GSE1: variants seen among roughly 807,000 people sequenced by gnomAD.
The protein encoded by GSE1 is Gse1 coiled-coil protein, also known as genetic suppressor element 1.
A neutral mutation model predicts 112.6 loss-of-function variants in GSE1; 32 were observed. The ratio of observed to expected loss-of-function variants is 0.28; its 90% CI spans 0.21 to 0.38. GSE1 has a LOEUF of 0.38. Among genes scored for constraint, GSE1 ranks in the 10% least tolerant of loss-of-function variants. The pLI, the probability that GSE1 is intolerant of heterozygous loss-of-function variation, is 1.00. For synonymous variants in GSE1, 1,115 were observed against 735.6 expected (o/e 1.52, Z -8.35); for missense variants, 2,348 against 1,699.2 (o/e 1.38, Z -6.71).
At chr16:85,659,311 AG>A (rs1161214535) in intron 8 of GSE1, 2 of 152,188 alleles carry the variant, frequency 1.3e-5, no homozygotes, top group African/African-American at 4.8e-5. Context: ...AGCTTTGCCC[AG>A]GGTCTCTGCA....
intron 2 of GSE1, among the ~76,000 whole-genome samples, chr16:85,483,232 C>T (rs1039539305): frequency 5.3e-5 from 8 of 152,224 alleles, no homozygotes; most frequent in Admixed American, 1.3e-4. Flanking sequence ...CCTGAAAAAG[C>T]GAGGCTCTCT....
intron 2 of GSE1, among the ~76,000 whole-genome samples, chr16:85,527,267 A>C (rs931797020): frequency 6.6e-6 from 1 of 152,276 alleles, no homozygotes; most frequent in East Asian, 1.9e-4. Flanking sequence ...CCACCTGTGC[A>C]CACGCGCGTG....
At chr16:85,313,868 G>T (rs530197649) in intron 1 of GSE1, among the ~76,000 whole-genome samples, 1 of 152,132 alleles carries the variant, frequency 6.6e-6, no homozygotes, top group African/African-American at 2.4e-5. Context: ...CAAGATACAT[G>T]AACAGCAAAT....
At chr16:85,343,887 A>T (rs1018029004) in intron 1 of GSE1, among the ~76,000 whole-genome samples, 2 of 152,168 alleles carry the variant, frequency 1.3e-5, no homozygotes, top group Non-Finnish European at 2.9e-5. Flanking sequence ...AATGGGACCC[A>T]TTGCTTCCCT....
chr16:85,457,172 G>C (rs2049852215), intron 2 of GSE1, among the ~76,000 whole-genome samples: 1 of 152,216 alleles, frequency 6.6e-6, no homozygotes, highest in Admixed American at 6.5e-5. Context: ...AGGCTGCCAG[G>C]ATTGCATTGC....
chr16:85,432,057 C>T lies in GSE1; in HGVS notation c.2464+74414C>T, dbSNP rs897510005. ...AGGTGACCGTCTAGCTGCACGCCCC[C>T]GAACTCACCCCTCACCCCTCTTCCC... On this transcript the variant is annotated intron_variant, in intron 2 of 2. Coordinates refer to the GSE1 transcript ENST00000637419. Among the ~76,000 whole-genome samples, 7 of 152,194 alleles carry T rather than the reference C, an allele frequency of 4.6e-5. No individual in the cohort carries two copies. In the East Asian group the frequency reaches 7.7e-4, roughly 17 times the overall value.
chr16:85,657,334 C>T lies in GSE1; in HGVS notation c.1370C>T (p.Pro457Leu), dbSNP rs138181231. 8.6e-5 allele frequency: 138 copies of T among 1,607,210 alleles called. No individual in the cohort carries two copies. Among genetic ancestry groups the T allele is most frequent in the Middle Eastern group, 5.0e-4 (3 of 6,030 alleles). Residue 457 changes from proline (P) to leucine (L), a missense_variant, in exon 8 of 16, where the codon CCG becomes CTG. Transcript: ENST00000253458. ...AAGCCCGTCCAACACCCCTTGCATC[C>T]GGTGCCCACCCCACACCACACGGTG... is the stretch of plus-strand genomic sequence containing the variant. ...APKPVQHPLH[P>L]VPTPHHTVPS...
intron 1 of GSE1, among the ~76,000 whole-genome samples, chr16:85,238,596 C>G (rs1412476633): frequency 6.6e-6 from 1 of 152,178 alleles, no homozygotes; most frequent in East Asian, 1.9e-4. Context: ...GGGCCGCCAG[C>G]CTCTGCACTC....
chr16:85,212,134 G>C (rs768291123), intron 1 of GSE1, among the ~76,000 whole-genome samples: 2 of 152,210 alleles, frequency 1.3e-5, no homozygotes, highest in African/African-American at 2.4e-5. Context: ...AGCCGGGCGC[G>C]GTGGCTCATG....
At chr16:85,601,541 A>C (rs1456243822) in intron 1 of GSE1, among the ~76,000 whole-genome samples, 1 of 151,802 alleles carries the variant, frequency 6.6e-6, no homozygotes, top group Non-Finnish European at 1.5e-5. Context: ...TGACCTGGGG[A>C]CCCACTGCCT....
At chr16:85,263,130 C>T (rs1907884721) in intron 1 of GSE1, among the ~76,000 whole-genome samples, 1 of 152,190 alleles carries the variant, frequency 6.6e-6, no homozygotes, top group African/African-American at 2.4e-5. Flanking sequence ...AAGAAGGAAG[C>T]TCACGCTTGG....
chr16:85,340,148 G>T (rs2046593535), intron 1 of GSE1, among the ~76,000 whole-genome samples: 1 of 152,156 alleles, frequency 6.6e-6, no homozygotes, highest in South Asian at 2.1e-4. Context: ...CAGGAGTTCA[G>T]ACCAGCCTGG....
chr16:85,403,101 C>A (rs1192781625), intron 2 of GSE1, among the ~76,000 whole-genome samples: 1 of 148,814 alleles, frequency 6.7e-6, no homozygotes, highest in Non-Finnish European at 1.5e-5. Context: ...TGGGGGGGGA[C>A]TCAGTTCCTC....
At chr16:85,287,521 G>T (rs1331362258) in intron 1 of GSE1, among the ~76,000 whole-genome samples, 1 of 152,060 alleles carries the variant, frequency 6.6e-6, no homozygotes, top group Non-Finnish European at 1.5e-5. Flanking sequence ...TTCCTTGATT[G>T]CACCAGCCAC....
chr16:85,337,127 C>G (rs1201955663), intron 1 of GSE1, among the ~76,000 whole-genome samples: 1 of 152,168 alleles, frequency 6.6e-6, no homozygotes, highest in African/African-American at 2.4e-5. Context: ...CCTGCTGTTG[C>G]TGTCTCTTCT....
chr16:85,433,758 A>C (rs1597740643), intron 2 of GSE1, among the ~76,000 whole-genome samples: 1 of 152,056 alleles, frequency 6.6e-6, no homozygotes, highest in South Asian at 2.1e-4. Context: ...TGGATGCTGG[A>C]TGGATGGATG....
At chr16:85,556,611 G>C (rs2045228608) in intron 1 of GSE1, among the ~76,000 whole-genome samples, 1 of 151,426 alleles carries the variant, frequency 6.6e-6, no homozygotes, top group Non-Finnish European at 1.5e-5. Flanking sequence ...GGGGTTGCGC[G>C]TCTCGCTCCT....
intron 1 of GSE1, among the ~76,000 whole-genome samples, chr16:85,182,073 G>A (rs1417589319): frequency 6.6e-6 from 1 of 152,204 alleles, no homozygotes; most frequent in Admixed American, 6.5e-5. Context: ...CTTCCAGGCT[G>A]CGCGGCATCC....
At chr16:85,536,164 T>C (rs1203760080) in intron 2 of GSE1, among the ~76,000 whole-genome samples, 1 of 152,222 alleles carries the variant, frequency 6.6e-6, no homozygotes, top group African/African-American at 2.4e-5. Context: ...TAATGGGTTT[T>C]GGCCAGGTCA....
Sources: allele counts gnomAD v4.1 joint callset (sites outside exome capture counted in the v4.1 genomes callset), GRCh38; gene constraint gnomAD v4.1.1; transcripts MANE v1.5; gene names NCBI Gene and HGNC (gene_info 2026-07-23, HGNC 2026-07-21).